Variants in ORC6 observed in about 807,000 individuals in gnomAD.
ORC6 encodes origin recognition complex, subunit 6 homolog-like (yeast).
A neutral mutation model predicts 30.0 loss-of-function variants in ORC6; 31 were observed. The observed-to-expected ratio is 1.03, with a 90% CI of 0.78 to 1.40. The LOEUF (loss-of-function observed/expected upper bound fraction) is 1.40. Ranked by LOEUF, ORC6 falls within the 40% of genes most tolerant of loss-of-function variation. The pLI is 0.00. For synonymous variants in ORC6, 136 were observed against 111.2 expected (o/e 1.22, Z -1.40); for missense variants, 340 against 304.3 (o/e 1.12, Z -0.87).
chr16:46,689,740 G>C lies in ORC6; in HGVS notation c.35G>C (p.Arg12Pro). The C allele has an allele frequency of 6.2e-7, 1 of 1,601,898 alleles. No homozygotes were observed. Among genetic ancestry groups the C allele is most frequent in the East Asian group, 2.2e-5 (1 of 44,514 alleles). Residue 12 changes from arginine to proline, a missense_variant, in exon 1 of 7, where the codon CGC becomes CCC. Coordinates refer to ENST00000219097, the MANE Select transcript of ORC6 (RefSeq NM_014321.4). ...GAGCTGATCGGGCGCCTAGCCCCGC[G>C]CCTGGGCCTCGCCGAGCCCGACATG... ...GSELIGRLAP[R>P]LGLAEPDMLR...
Position 46,695,663 on chromosome 16 carries a change from A to G in ORC6, c.551A>G (p.Gln184Arg). ...RLCKQLEKIG[Q>R]QVDREPGDVA... ...TGTAAACAACTAGAGAAGATTGGAC[A>G]GCAGGTCGACAGTAAGTATTCTGTA... Residue 184 changes from glutamine (Q) to arginine (R), a missense_variant, in exon 5 of 7, where the codon CAG becomes CGG. By Grantham distance (43) the Gln-to-Arg change is conservative. Coordinates refer to ENST00000219097, the MANE Select transcript of ORC6 (RefSeq NM_014321.4). 6.3e-7 allele frequency: 1 copy of G among 1,599,060 alleles called. No homozygotes were observed. Among genetic ancestry groups the G allele is most frequent in the East Asian group, 2.2e-5 (1 of 44,780 alleles).
intron 4 of ORC6, 166 bp downstream of exon 4, chr16:46,693,348 T>C: frequency 1.6e-6 from 1 of 631,244 alleles, no homozygotes; most frequent in Non-Finnish European, 2.9e-6. Flanking sequence ...TATCCCATAA[T>C]GTAGCTAACA....
At chr16:46,694,595 C>T (rs1320345505) in intron 4 of ORC6, 1 of 133,226 alleles carries the variant, frequency 7.5e-6, no homozygotes, top group Non-Finnish European at 1.6e-5. Flanking sequence ...AGGGGCTCCT[C>T]ACTTCCCAGT....
At chr16:46,693,725 C>T (rs1966478170) in intron 4 of ORC6, 1 of 158,946 alleles carries the variant, frequency 6.3e-6, no homozygotes, top group Non-Finnish European at 1.4e-5. Flanking sequence ...TGAAGGCTCA[C>T]TGGAGCCTAG....
intron 1 of ORC6, chr16:46,689,972 G>A (rs1481177587): frequency 1.5e-6 from 1 of 681,600 alleles, no homozygotes; most frequent in African/African-American, 1.9e-5. Flanking sequence ...ATAGCAAACG[G>A]CGATGGCACA....
In ORC6 at chr16:46,691,187, G is replaced by A. The variant is rs1966433822; in HGVS notation, c.195+67G>A. On this transcript the variant is annotated intron_variant, in intron 2 of 6. Coordinates refer to ENST00000219097, the MANE Select transcript of ORC6 (RefSeq NM_014321.4). ...ATTGAAGCTCTTTTAACTTTTGGTT[G>A]AACTAAACCCTAGTAAAAACTCTTG... 4.0e-6 allele frequency: 6 copies of A among 1,489,504 alleles called. No homozygotes were observed. In the East Asian group the frequency reaches 1.1e-4, roughly 28 times the overall value. 92.3% of individuals were successfully genotyped at this position (1,489,504 alleles called of 1,614,324 possible). A position where few individuals can be genotyped will look rare whatever the true frequency, so the allele number is the denominator to read the frequency against.
In ORC6 at chr16:46,693,117, A is replaced by G. The variant is rs1322658668; in HGVS notation, c.384A>G (p.Thr128=). The G allele has an allele frequency of 6.2e-7, 1 of 1,612,020 alleles. No homozygotes were observed. The highest frequency in any genetic ancestry group is 8.5e-7 in the Non-Finnish European group (1 of 1,178,046). Residue 128 remains threonine, a synonymous_variant, in exon 4 of 7, where the codon ACA becomes ACG. Coordinates refer to ENST00000219097, the MANE Select transcript of ORC6 (RefSeq NM_014321.4). ...LKSYESSLPQ[T]QQVDLDLSRP... The stretch of plus-strand genomic sequence containing the variant: ...GCTATGAGTCCAGTCTTCCCCAGAC[A>G]CAGCAAGTGGATCTTGACTTATCCA...
Position 46,691,073 on chromosome 16 carries a change from A to C in ORC6, c.148A>C (p.Met50Leu), listed in dbSNP as rs769488682. Residue 50 changes from methionine (M) to leucine (L), a missense_variant, in exon 2 of 7, where the codon ATG becomes CTG. Coordinates refer to ENST00000219097, the MANE Select transcript of ORC6 (RefSeq NM_014321.4). ...CACCACGGAGACCAGCAGTGCAGTC[A>C]TGTGCCTGGACCTTGCAGCTTCCTG... ...ARTTETSSAV[M>L]CLDLAASWMK... is the part of the protein sequence containing the mutation. The C allele has an allele frequency of 3.7e-6, 6 of 1,614,208 alleles. No individual in the cohort carries two copies. Among genetic ancestry groups the C allele is most frequent in the Non-Finnish European group, 5.1e-6 (6 of 1,180,002 alleles).
intron 3 of ORC6, among the ~76,000 whole-genome samples, chr16:46,692,892 G>GC (rs1032880916): frequency 3.3e-5 from 5 of 151,204 alleles, no homozygotes; most frequent in Admixed American, 3.3e-4. Context: ...GTGGCGGTGG[G>GC]GGGGACCAGA....
At chr16:46,697,426 T>C in intron 6 of ORC6, 32 bp from the exon 7 acceptor site, 1 of 1,593,104 alleles carries the variant, frequency 6.3e-7, no homozygotes, top group Non-Finnish European at 8.6e-7. Flanking sequence ...AAGCTAAGAA[T>C]TTTGAAATTG....
rs144613202 is a variant in ORC6, at chr16:46,690,679, G to A, written c.66-312G>A. The A allele has an allele frequency of 5.5e-4, 220 of 398,350 alleles. 1 individual carries two copies. The highest frequency in any genetic ancestry group is 2.3e-3 in the South Asian group (109 of 46,796). 24.7% of individuals were successfully genotyped at this position (398,350 alleles called of 1,614,324 possible). Reference sequence around the variant, plus strand: ...TTTAAAGGAAATAGGAGGAAAGGAGGAACCCTGGTCTAACCTGCCTGTCTC... The same window carrying A: ...TTTAAAGGAAATAGGAGGAAAGGAGAAACCCTGGTCTAACCTGCCTGTCTC... On this transcript the variant is annotated intron_variant, in intron 1 of 6. Coordinates refer to ENST00000219097, the MANE Select transcript of ORC6 (RefSeq NM_014321.4).
Position 46,697,732 on chromosome 16 carries a change from G to A in ORC6, c.*147G>A. 1.1e-6 allele frequency: 1 copy of A among 888,482 alleles called. No individual in the cohort carries two copies. Among genetic ancestry groups the A allele is most frequent in the South Asian group, 1.4e-5 (1 of 71,200 alleles). The allele number at this position is 888,482 out of a possible 1,614,324, so 55.0% of individuals were successfully genotyped here. ...AAATAGCAAAGCAGCCTACCTGGAG[G>A]CTAAGTCTGGGCAGTGGGCTGGCCC... On this transcript the variant is annotated 3_prime_UTR_variant, in exon 7 of 7. Transcript: ENST00000219097.
intron 2 of ORC6, among the ~76,000 whole-genome samples, chr16:46,691,485 A>G (rs1966436523): frequency 6.6e-6 from 1 of 152,224 alleles, no homozygotes; most frequent in South Asian, 2.1e-4. Context: ...TGTTGAGATC[A>G]AATCTCCACA....
At chr16:46,696,367 G>A (rs1401858996) in intron 6 of ORC6, 1 of 491,162 alleles carries the variant, frequency 2.0e-6, no homozygotes, top group Admixed American at 3.3e-5. Flanking sequence ...ACCAGCCTGG[G>A]CAGCTACAGC....
At chr16:46,690,718 T>G (rs1966425645) in intron 1 of ORC6, 1 of 463,958 alleles carries the variant, frequency 2.2e-6, no homozygotes, top group East Asian at 4.6e-5. Context: ...TAGTTCGTGC[T>G]TGTTCCAGTA....
At chr16:46,693,041 C>A (rs990623811) in intron 3 of ORC6, 52 bp from the exon 4 acceptor site, 2 of 1,231,346 alleles carry the variant, frequency 1.6e-6, no homozygotes, top group South Asian at 1.2e-5. Context: ...CTTTCAGTCT[C>A]TTTTCAAATA....
Position 46,689,768 on chromosome 16 carries a change from G to T in ORC6, c.63G>T (p.Leu21=). Residue 21 remains leucine, a splice_region_variant and synonymous_variant, in exon 1 of 7, where the codon CTG becomes CTT. Coordinates refer to ENST00000219097, the MANE Select transcript of ORC6 (RefSeq NM_014321.4). ...TGGGCCTCGCCGAGCCCGACATGCTGAGGTGAGTTCGGCCGCGCAAGACCA... is the reference window on the plus strand; with the variant it reads ...TGGGCCTCGCCGAGCCCGACATGCTTAGGTGAGTTCGGCCGCGCAAGACCA... ...PRLGLAEPDM[L]RKAEEYLRLS... 6.3e-7 allele frequency: 1 copy of T among 1,595,110 alleles called. No individual in the cohort carries two copies.
intron 4 of ORC6, chr16:46,694,980 C>T (rs1335098866): frequency 1.3e-5 from 2 of 155,740 alleles, no homozygotes; most frequent in Non-Finnish European, 2.8e-5. Context: ...TGGAAAACAT[C>T]TCTTCAATTC....
chr16:46,694,597 C>T (rs1213466063), intron 4 of ORC6: 5 of 115,808 alleles, frequency 4.3e-5, no homozygotes, highest in Non-Finnish European at 9.0e-5. Flanking sequence ...GGGCTCCTCA[C>T]TTCCCAGTAG....
Sources: allele counts gnomAD v4.1 joint callset (sites outside exome capture counted in the v4.1 genomes callset), GRCh38; gene constraint gnomAD v4.1.1; transcripts MANE v1.5; gene names NCBI Gene and HGNC (gene_info 2026-07-23, HGNC 2026-07-21).